Variants in EBF1 observed in about 807,000 individuals in gnomAD.
The protein encoded by EBF1 is transcription factor COE1.
EBF1 carries 10 observed loss-of-function variants against 68.4 expected under a neutral mutation model. The observed-to-expected ratio is 0.15, with a 90% CI of 0.09 to 0.25. EBF1 has a LOEUF of 0.25. Among genes scored for constraint, EBF1 ranks in the 10% least tolerant of loss-of-function variants. The pLI is 1.00. For synonymous variants in EBF1, 298 were observed against 299.8 expected (o/e 0.99, Z 0.06); for missense variants, 509 against 794.4 (o/e 0.64, Z 4.32).
intron 9 of EBF1, among the ~76,000 whole-genome samples, chr5:158,790,268 G>C (rs1472745790): frequency 7.2e-5 from 11 of 152,172 alleles, no homozygotes; most frequent in Admixed American, 7.2e-4. Flanking sequence ...ACTAAAACCA[G>C]ATGCAAAATA....
chr5:158,732,945 A>G (rs1764420565), intron 10 of EBF1, among the ~76,000 whole-genome samples: 1 of 152,210 alleles, frequency 6.6e-6, no homozygotes, highest in South Asian at 2.1e-4. Context: ...ACCCAGGTGT[A>G]TCAAATCTTT....
At chr5:158,938,448 A>G (rs1812552654) in intron 6 of EBF1, among the ~76,000 whole-genome samples, 1 of 151,970 alleles carries the variant, frequency 6.6e-6, no homozygotes. Flanking sequence ...TGTCCCAAAC[A>G]CTCTCATGCT....
At chr5:159,038,777 C>T (rs1770607263) in intron 6 of EBF1, among the ~76,000 whole-genome samples, 1 of 152,174 alleles carries the variant, frequency 6.6e-6, no homozygotes, top group Non-Finnish European at 1.5e-5. Flanking sequence ...CACCTAATTG[C>T]TGTGGAAGTC....
chr5:158,942,778 C>A (rs1029187417), intron 6 of EBF1, among the ~76,000 whole-genome samples: 2 of 150,966 alleles, frequency 1.3e-5, no homozygotes, highest in African/African-American at 4.9e-5. Context: ...CCAGGGTTGG[C>A]GCCATACATC....
intron 6 of EBF1, among the ~76,000 whole-genome samples, chr5:158,905,737 C>A (rs1412968956): frequency 4.6e-5 from 7 of 152,134 alleles, no homozygotes; most frequent in Admixed American, 2.0e-4. Flanking sequence ...ATATGCATCA[C>A]CGAAGCTGGG....
At chr5:158,810,907 T>C (rs1250080506) in intron 8 of EBF1, among the ~76,000 whole-genome samples, 1 of 152,158 alleles carries the variant, frequency 6.6e-6, no homozygotes, top group Non-Finnish European at 1.5e-5. Flanking sequence ...AGCAGGATTT[T>C]AATTACTAGG....
intron 6 of EBF1, among the ~76,000 whole-genome samples, chr5:159,010,477 G>GA (rs1452375167): frequency 6.6e-6 from 1 of 151,254 alleles, no homozygotes; most frequent in South Asian, 2.1e-4. Context: ...TAAAACCCCG[G>GA]AAAATACTCC....
At chr5:158,827,041 T>G (rs1375965165) in intron 7 of EBF1, among the ~76,000 whole-genome samples, 1 of 152,188 alleles carries the variant, frequency 6.6e-6, no homozygotes, top group Non-Finnish European at 1.5e-5. Flanking sequence ...ATAACCACCA[T>G]ACTTAACTCA....
chr5:158,743,195 A>C (rs1766809306), intron 10 of EBF1, among the ~76,000 whole-genome samples: 1 of 152,230 alleles, frequency 6.6e-6, no homozygotes, highest in Non-Finnish European at 1.5e-5. Flanking sequence ...AATTCTCTGT[A>C]GTAGAGTCAG....
chr5:158,812,771 G>A (rs1032441611), intron 8 of EBF1, among the ~76,000 whole-genome samples: 3 of 152,024 alleles, frequency 2.0e-5, no homozygotes, highest in South Asian at 4.2e-4. Flanking sequence ...ATCATAATGC[G>A]CTGCCTGGGT....
chr5:158,777,700 A>C (rs1461983572), intron 9 of EBF1, among the ~76,000 whole-genome samples, 161 bp from the exon 10 acceptor site: 1 of 152,164 alleles, frequency 6.6e-6, no homozygotes, highest in Admixed American at 6.5e-5. Context: ...TGACAACAAT[A>C]TTTACAAATG....
chr5:158,986,719 A>G (rs1561713672), intron 6 of EBF1, among the ~76,000 whole-genome samples: 1 of 152,198 alleles, frequency 6.6e-6, no homozygotes, highest in Non-Finnish European at 1.5e-5. Context: ...AAGGGGAGAG[A>G]AAATTCCTAA....
intron 11 of EBF1, among the ~76,000 whole-genome samples, chr5:158,718,180 A>G (rs538550085): frequency 9.9e-5 from 15 of 152,142 alleles, no homozygotes; most frequent in Non-Finnish European, 1.9e-4. Context: ...CTGTCATCAT[A>G]TGTGGATCTT....
At chr5:158,735,324 A>C (rs1581441510) in intron 10 of EBF1, among the ~76,000 whole-genome samples, 2 of 152,176 alleles carry the variant, frequency 1.3e-5, no homozygotes, top group East Asian at 3.8e-4. Context: ...GGGATACATT[A>C]ATTTAAAGAA....
rs189437114 is a variant in EBF1, at chr5:158,933,188, T to C, written c.555-93078A>G. Among the ~76,000 whole-genome samples the C allele has an allele frequency of 2.6e-5, 4 of 152,246 alleles. No individual in the cohort carries two copies. The East Asian group carries it at 7.7e-4, about 29-fold the overall frequency. On this transcript the variant is annotated intron_variant, in intron 6 of 15. Coordinates refer to ENST00000313708, the MANE Select transcript of EBF1 (RefSeq NM_024007.5). ...ATTCAAAGCAAACTGGGAGAAATATTTTGACATGTAAACTTTTTCCCAGAG... is the reference window on the plus strand; with the variant it reads ...ATTCAAAGCAAACTGGGAGAAATATCTTGACATGTAAACTTTTTCCCAGAG...
At chr5:158,932,060 C>G (rs575883688) in intron 6 of EBF1, among the ~76,000 whole-genome samples, 1 of 152,216 alleles carries the variant, frequency 6.6e-6, no homozygotes, top group East Asian at 1.9e-4. Context: ...CACTCTCACC[C>G]GTGGGAGGGG....
chr5:158,702,231 G>GTTGTT (rs1389167820), intron 15 of EBF1, among the ~76,000 whole-genome samples: 3 of 152,140 alleles, frequency 2.0e-5, no homozygotes, highest in African/African-American at 7.2e-5. Context: ...AGTTTTAGGA[G>GTTGTT]TTGTTTTTCT....
intron 6 of EBF1, among the ~76,000 whole-genome samples, chr5:158,934,791 T>A (rs1811621232): frequency 6.6e-6 from 1 of 152,252 alleles, no homozygotes; most frequent in Admixed American, 6.5e-5. Context: ...GCCTGGCACA[T>A]AGTATTCACT....
intron 10 of EBF1, among the ~76,000 whole-genome samples, chr5:158,775,773 CAT>C (rs1491027451): frequency 9.6e-4 from 118 of 123,496 alleles, no homozygotes; most frequent in African/African-American, 3.3e-3. Flanking sequence ...CACACACACA[CAT>C]GCACACAGAC....
Sources: allele counts gnomAD v4.1 joint callset (sites outside exome capture counted in the v4.1 genomes callset), GRCh38; gene constraint gnomAD v4.1.1; transcripts MANE v1.5; gene names NCBI Gene and HGNC (gene_info 2026-07-23, HGNC 2026-07-21).